PGM3: variants seen among roughly 807,000 people sequenced by gnomAD.
The protein encoded by PGM3 is phosphoacetylglucosamine mutase.
Under a neutral mutation model 66.2 loss-of-function variants are expected in PGM3, and 40 were observed. The ratio of observed to expected loss-of-function variants is 0.60; its 90% CI spans 0.47 to 0.79. The LOEUF (loss-of-function observed/expected upper bound fraction) is 0.79, where lower values mean the gene tolerates loss of function less well. PGM3 is among the 30% of genes least tolerant of loss of function. The pLI is 0.00. For synonymous variants in PGM3, 191 were observed against 224.2 expected, an observed-to-expected ratio of 0.85 and a Z score of 1.32; for missense variants, 537 against 643.4, an observed-to-expected ratio of 0.83 and a Z score of 1.79.
chr6:83,161,178 C>CT (rs1165344033), downstream of PGM3: 1 of 152,238 alleles, frequency 6.6e-6, no homozygotes, highest in East Asian at 1.9e-4. Flanking sequence ...GCTCATGATA[C>CT]TGACTTTTTA....
intron 3 of PGM3, 124 bp from the exon 4 acceptor site, chr6:83,187,199 C>G (rs1473032705): frequency 1.7e-6 from 1 of 589,442 alleles, no homozygotes; most frequent in African/African-American, 1.9e-5. Context: ...GGTATCTGAA[C>G]TGAAAGCTAT....
chr6:83,174,704 T>C (rs1271591202), intron 9 of PGM3, among the ~76,000 whole-genome samples: 1 of 152,166 alleles, frequency 6.6e-6, no homozygotes, highest in Non-Finnish European at 1.5e-5. Flanking sequence ...ATTATATAAC[T>C]GGTTATAAAA....
Position 83,166,443 on chromosome 6 carries a change from G to A in PGM3, c.*2791C>T, listed in dbSNP as rs1198975092. On this transcript the variant is annotated 3_prime_UTR_variant, in exon 13 of 13. Transcript: ENST00000513973. ...GGGCCAAATGCATTGTTGATGTTGT[G>A]TGTTGTCTCTGCTGCTTTATAACCT... 3 of 701,754 alleles carry A rather than the reference G, an allele frequency of 4.3e-6. No individual in the cohort carries two copies. Among genetic ancestry groups the A allele is most frequent in the Admixed American group, 2.0e-5 (1 of 49,942 alleles). 43.5% of individuals were successfully genotyped at this position (701,754 alleles called of 1,614,324 possible). A position where few individuals can be genotyped will look rare whatever the true frequency, so the allele number is the denominator to read the frequency against.
At chr6:83,186,893 T>C (rs1358371331) in intron 4 of PGM3, 115 bp downstream of exon 4, 18 of 570,312 alleles carry the variant, frequency 3.2e-5, no homozygotes, top group Non-Finnish European at 5.5e-5. Context: ...GTTCATTTTT[T>C]AAACATTTTT....
In PGM3 at chr6:83,169,083, T is replaced by G; in HGVS notation, c.*151A>C. 7.0e-7 allele frequency: 1 copy of G among 1,438,156 alleles called. No homozygotes were observed. The highest frequency in any genetic ancestry group is 9.1e-7 in the Non-Finnish European group (1 of 1,100,540). The allele number at this position is 1,438,156 out of a possible 1,614,324, so 89.1% of individuals were successfully genotyped here. On this transcript the variant is annotated 3_prime_UTR_variant, in exon 13 of 13. Coordinates refer to ENST00000513973, the MANE Select transcript of PGM3 (RefSeq NM_015599.3). The stretch of plus-strand genomic sequence containing the variant: ...CTTACCTATTTATAAAGAATTATTC[T>G]GTTAGTGTTTAAGAAAAACAGATCT...
At chr6:83,164,789 T>C (rs187233787), downstream of PGM3, 1 of 1,314,090 alleles carries the variant, frequency 7.6e-7, no homozygotes, top group African/African-American at 1.5e-5. Flanking sequence ...CAAACCCAGG[T>C]CTGAATGTCA....
At chr6:83,155,077 A>G in the PGM3 span, among the ~76,000 whole-genome samples, 4 of 152,302 alleles carry the variant, frequency 2.6e-5, no homozygotes, top group East Asian at 5.8e-4. Flanking sequence ...GATTTTAAAT[A>G]ACAGCTAAAT....
At position 83,166,723 on chromosome 6, in the gene PGM3, A is replaced by G; in HGVS notation, c.*2511T>C. Reference sequence around the variant, plus strand: ...TCAGGATTTTACTTTAAAATAAGCAATAAGCTTGAGAGCACATAGAAGAAA... The same window carrying G: ...TCAGGATTTTACTTTAAAATAAGCAGTAAGCTTGAGAGCACATAGAAGAAA... On this transcript the variant is annotated 3_prime_UTR_variant, in exon 13 of 13. Coordinates refer to ENST00000513973, the MANE Select transcript of PGM3 (RefSeq NM_015599.3). 1.4e-5 allele frequency: 17 copies of G among 1,201,458 alleles called. No homozygotes were observed. Among genetic ancestry groups the G allele is most frequent in the Admixed American group, 4.4e-5 (1 of 22,942 alleles). The allele number at this position is 1,201,458 out of a possible 1,614,324, so 74.4% of individuals were successfully genotyped here. A position where few individuals can be genotyped will look rare whatever the true frequency, so the allele number is the denominator to read the frequency against.
chr6:83,176,686 T>C (rs2128491700), intron 8 of PGM3, among the ~76,000 whole-genome samples: 1 of 152,086 alleles, frequency 6.6e-6, no homozygotes, highest in African/African-American at 2.4e-5. Flanking sequence ...TTAAGAATGG[T>C]TAAGGAAAGA....
downstream of PGM3, among the ~76,000 whole-genome samples, chr6:83,158,335 T>C (rs1022202167): frequency 1.3e-5 from 2 of 152,150 alleles, no homozygotes; most frequent in African/African-American, 4.8e-5. Flanking sequence ...CTCTGTTCCA[T>C]AATCACTAAA....
the PGM3 span, among the ~76,000 whole-genome samples, chr6:83,155,640 G>T: frequency 6.6e-6 from 1 of 152,038 alleles, no homozygotes; most frequent in African/African-American, 2.4e-5. Context: ...TAACGAGAAG[G>T]ATTTAAGCAG....
In PGM3 at chr6:83,187,066, A is replaced by G. The variant is rs1185585261; in HGVS notation, c.399T>C (p.Ser133=). The part of the protein sequence containing the change: ...VVIGRDTRPS[S]EKLSQSVIDG... Reference sequence around the variant, plus strand: ...CTATTACAGATTGTGAAAGTTTCTCACTGCTGGGCCTAGGAAAGAAAAGGA... The same window carrying G: ...CTATTACAGATTGTGAAAGTTTCTCGCTGCTGGGCCTAGGAAAGAAAAGGA... Residue 133 remains serine (S), a synonymous_variant, in exon 4 of 13, where the codon AGT becomes AGC. Transcript: ENST00000513973. The G allele has an allele frequency of 2.5e-6, 4 of 1,598,808 alleles. No homozygotes were observed. The South Asian group carries it at 4.4e-5, about 18-fold the overall frequency.
At chr6:83,187,147 T>A in intron 3 of PGM3, 72 bp from the exon 4 acceptor site, 1 of 933,010 alleles carries the variant, frequency 1.1e-6, no homozygotes, top group Admixed American at 2.0e-5. Context: ...TGCAAGCAAA[T>A]GCAAAAATTA....
At chr6:83,185,659 T>A (rs1788527195) in intron 4 of PGM3, among the ~76,000 whole-genome samples, 1 of 152,032 alleles carries the variant, frequency 6.6e-6, no homozygotes, top group African/African-American at 2.4e-5. Flanking sequence ...CTCGGGAGGC[T>A]GAGGCAGGAG....
upstream of PGM3, chr6:83,193,755 C>G (rs1303566445): frequency 6.5e-6 from 1 of 153,126 alleles, no homozygotes; most frequent in African/African-American, 2.4e-5. Flanking sequence ...TGCCGTCTCC[C>G]CGGGTACCCC....
At chr6:83,172,140 T>C (rs531330298) in intron 10 of PGM3, 81 bp from the exon 11 acceptor site, 12 of 1,422,352 alleles carry the variant, frequency 8.4e-6, no homozygotes, top group East Asian at 2.3e-5. Context: ...AGAAAACCAA[T>C]CACAGTACAG....
downstream of PGM3, chr6:83,164,610 A>C: frequency 6.6e-7 from 1 of 1,522,952 alleles, no homozygotes; most frequent in Non-Finnish European, 8.9e-7. Flanking sequence ...ATGGCCAAGC[A>C]TACTTTTCAC....
In PGM3 at chr6:83,181,907, T is replaced by G; in HGVS notation, c.616A>C (p.Arg206=). The change falls in exon 6 of 13, where the codon AGA becomes CGA. Residue 206 remains arginine (R), a synonymous_variant. Coordinates refer to ENST00000513973, the MANE Select transcript of PGM3 (RefSeq NM_015599.3). ...KQASCSGDEY[R]SLKVDCANGI... ...TTTGCACAGTCAACCTTAAGTGATC[T>G]GTATTCATCTCCACTGCAAGAAGCC... The G allele has an allele frequency of 6.2e-7, 1 of 1,603,150 alleles. No individual in the cohort carries two copies. Among genetic ancestry groups the G allele is most frequent in the Admixed American group, 1.8e-5 (1 of 56,570 alleles).
At chr6:83,152,913 C>T in the PGM3 span, among the ~76,000 whole-genome samples, 2 of 152,092 alleles carry the variant, frequency 1.3e-5, no homozygotes, top group African/African-American at 4.8e-5. Flanking sequence ...CCACCGCGCC[C>T]GGCCTGGGGA....
Sources: gnomAD v4.1 joint callset for allele counts (sites outside exome capture counted in the v4.1 genomes callset) on GRCh38, gnomAD v4.1.1 for gene constraint, MANE v1.5 for transcripts, NCBI Gene and HGNC (gene_info 2026-07-23, HGNC 2026-07-21) for gene names.